CELSR1: variants seen among roughly 807,000 people sequenced by gnomAD.
The protein encoded by CELSR1 is cadherin EGF LAG seven-pass G-type receptor 1.
CELSR1 carries 110 observed loss-of-function variants against 249.1 expected under a neutral mutation model. The observed-to-expected ratio is 0.44, with a 90% CI of 0.38 to 0.52. The LOEUF (loss-of-function observed/expected upper bound fraction) is 0.52, where lower values mean the gene tolerates loss of function less well. Among genes scored for constraint, CELSR1 ranks in the 20% least tolerant of loss-of-function variants. The pLI, the probability that CELSR1 is intolerant of heterozygous loss-of-function variation, is 0.00. For missense variants in CELSR1, 4,109 were observed against 4,296.4 expected (o/e 0.96, Z 1.22); for synonymous variants, 2,113 against 1,900.0 (o/e 1.11, Z -2.92).
rs2147216432 is a variant in CELSR1 at position 46,380,978 on chromosome 22, T to C, written c.7089-23A>G. The C allele has an allele frequency of 6.2e-7, 1 of 1,607,692 alleles. No individual in the cohort carries two copies. The highest frequency in any genetic ancestry group is 8.5e-7 in the Non-Finnish European group (1 of 1,175,730). On this transcript the variant is annotated intron_variant, in intron 21 of 34. Coordinates refer to ENST00000674500, the MANE Select transcript of CELSR1 (RefSeq NM_001378328.1). The surrounding 1 kb of genome is among the most constrained non-coding windows in gnomAD (Gnocchi z 5.1). Reference sequence around the variant, plus strand: ...AACCTGAGGTCAAGAAGCCAGAGCATGGGGACAAACACGGTGAGGAAACAT... The same window carrying C: ...AACCTGAGGTCAAGAAGCCAGAGCACGGGGACAAACACGGTGAGGAAACAT...
chr22:46,439,658 G>C (rs180801143), intron 2 of CELSR1, among the ~76,000 whole-genome samples: 1 of 152,068 alleles, frequency 6.6e-6, no homozygotes, highest in Non-Finnish European at 1.5e-5. Flanking sequence ...TGGCCAGGGG[G>C]TTCCCAAAAA....
At chr22:46,533,371 C>T (rs2080811887) in intron 1 of CELSR1, among the ~76,000 whole-genome samples, 1 of 152,250 alleles carries the variant, frequency 6.6e-6, no homozygotes, top group Admixed American at 6.5e-5. Flanking sequence ...GCGCTGATCC[C>T]CGGTCTTGAA....
chr22:46,510,193 C>A (rs1296966929), intron 1 of CELSR1, among the ~76,000 whole-genome samples: 5 of 152,174 alleles, frequency 3.3e-5, no homozygotes, highest in Non-Finnish European at 7.3e-5. Flanking sequence ...CAGCTAAGGT[C>A]TTCTGGTGTG....
chr22:46,399,234 G>T lies in CELSR1; in HGVS notation c.5412+483C>A, dbSNP rs1296099616. On this transcript the variant is annotated intron_variant, in intron 10 of 34. Transcript: ENST00000674500. The surrounding 1 kb of genome is among the most constrained non-coding windows in gnomAD (Gnocchi z 5.0). ...AGTTTGGTTAAGTGTTCCGAACATTGTCTGGGATACCACCACCTGCCTGCC... is the reference window on the plus strand; with the variant it reads ...AGTTTGGTTAAGTGTTCCGAACATTTTCTGGGATACCACCACCTGCCTGCC... Among the ~76,000 whole-genome samples the T allele has an allele frequency of 6.6e-6, 1 of 152,174 alleles. No homozygotes were observed. Among genetic ancestry groups the T allele is most frequent in the African/African-American group, 2.4e-5 (1 of 41,438 alleles).
At chr22:46,370,979 C>T (rs577407656) in intron 25 of CELSR1, among the ~76,000 whole-genome samples, 7 of 152,346 alleles carry the variant, frequency 4.6e-5, no homozygotes, top group South Asian at 2.1e-4. Context: ...AGACCTGCTC[C>T]GCCTGGACAT....
rs571285077 is a variant in CELSR1 at position 46,411,338 on chromosome 22, G to A, written c.4769+264C>T. The stretch of plus-strand genomic sequence containing the variant: ...GCCAGTGATCCGTGGAGATGGGGCT[G>A]GAGACCGTCTCGGGGTCTGCAAGCT... On this transcript the variant is annotated intron_variant, in intron 6 of 34. Transcript: ENST00000674500. This position sits in a 1 kb window ranked among gnomAD's most constrained non-coding sequence, Gnocchi z 4.2. 1.3e-5 allele frequency among the ~76,000 whole-genome samples: 2 copies of A among 152,248 alleles called. No individual in the cohort carries two copies. Among genetic ancestry groups the A allele is most frequent in the African/African-American group, 4.8e-5 (2 of 41,466 alleles).
chr22:46,536,226 G>A lies in CELSR1; in HGVS notation c.945C>T (p.Thr315=), dbSNP rs1254729157. 15 of 1,612,426 alleles carry A rather than the reference G, an allele frequency of 9.3e-6. No individual in the cohort carries two copies. The highest frequency in any genetic ancestry group is 1.3e-5 in the Non-Finnish European group (15 of 1,179,992). ...VSTDSVLDRE[T]KETHVLRVKA... is the part of the protein sequence containing the mutation. ...TCACCCTGAGGACGTGCGTCTCCTT[G>A]GTCTCGCGGTCCAGTACGCTGTCCG... The change falls in exon 1 of 35, where the codon ACC becomes ACT. Residue 315 remains threonine, a synonymous_variant. Coordinates refer to ENST00000674500, the MANE Select transcript of CELSR1 (RefSeq NM_001378328.1).
rs750519293 is a variant in CELSR1, at chr22:46,369,746, C to A, written c.7818G>T (p.Ser2606=). 6.2e-7 allele frequency: 1 copy of A among 1,613,380 alleles called. No individual in the cohort carries two copies. Among genetic ancestry groups the A allele is most frequent in the East Asian group, 2.2e-5 (1 of 44,886 alleles). Reference sequence around the variant, plus strand: ...AGCTCCAAATCAGGGTGTCTTGAAGCGACAGCCAGCAGAAGTCGGGGTTCC... The same window carrying A: ...AGCTCCAAATCAGGGTGTCTTGAAGAGACAGCCAGCAGAAGTCGGGGTTCC... ...GYGNPDFCWL[S]LQDTLIWSFA... Residue 2606 remains serine, a synonymous_variant, in exon 26 of 35, where the codon TCG becomes TCT. Coordinates refer to ENST00000674500, the MANE Select transcript of CELSR1 (RefSeq NM_001378328.1).
chr22:46,420,537 G>A (rs2079457959), intron 5 of CELSR1, among the ~76,000 whole-genome samples: 1 of 152,166 alleles, frequency 6.6e-6, no homozygotes, highest in Non-Finnish European at 1.5e-5. Flanking sequence ...ACTTGCATGT[G>A]CACACACAGA....
In CELSR1 at chr22:46,512,298, C is replaced by T. The variant is rs569769581; in HGVS notation, c.3544+21329G>A. On this transcript the variant is annotated intron_variant, in intron 1 of 34. Coordinates refer to ENST00000674500, the MANE Select transcript of CELSR1 (RefSeq NM_001378328.1). This position sits in a 1 kb window ranked among gnomAD's most constrained non-coding sequence, Gnocchi z 5.2. ...ATCAAGGTCCAATACTGGCCAGGTG[C>T]GGTGGCACATGCCTGTAATCCCAGC... is the stretch of plus-strand genomic sequence containing the variant. Among the ~76,000 whole-genome samples the T allele has an allele frequency of 5.3e-5, 8 of 151,998 alleles. No individual in the cohort carries two copies. The South Asian group carries it at 8.3e-4, about 16-fold the overall frequency.
At position 46,436,362 on chromosome 22, in the gene CELSR1, C is replaced by A; in HGVS notation, c.4407-73G>T. The A allele has an allele frequency of 8.6e-7, 1 of 1,156,642 alleles. No homozygotes were observed. The highest frequency in any genetic ancestry group is 1.3e-6 in the Non-Finnish European group (1 of 780,282). The allele number at this position is 1,156,642 out of a possible 1,614,324, so 71.6% of individuals were successfully genotyped here. On this transcript the variant is annotated intron_variant, in intron 3 of 34. Coordinates refer to ENST00000674500, the MANE Select transcript of CELSR1 (RefSeq NM_001378328.1). The surrounding 1 kb of genome is among the most constrained non-coding windows in gnomAD (Gnocchi z 5.9). ...CAAAGGCTGCCTAGGAATGACAAGTCCAGCCGGAGGAGGGCAAGCACGTGG... is the reference window on the plus strand; with the variant it reads ...CAAAGGCTGCCTAGGAATGACAAGTACAGCCGGAGGAGGGCAAGCACGTGG...
chr22:46,365,714 T>C, intron 30 of CELSR1, 25 bp from the exon 31 acceptor site: 2 of 1,531,400 alleles, frequency 1.3e-6, no homozygotes, highest in Non-Finnish European at 1.8e-6. Flanking sequence ...GAGGGTGGGC[T>C]CAGTATCATC....
At chr22:46,452,712 G>C (rs2079900320) in intron 2 of CELSR1, among the ~76,000 whole-genome samples, 1 of 152,236 alleles carries the variant, frequency 6.6e-6, no homozygotes, top group Admixed American at 6.5e-5. Flanking sequence ...GAGGCCTCCA[G>C]GACCCAAGAT....
rs954198087 is a variant in CELSR1, at chr22:46,407,262, T to C, written c.5226+1734A>G. Among the ~76,000 whole-genome samples the C allele has an allele frequency of 2.0e-5, 3 of 152,168 alleles. No individual in the cohort carries two copies. The highest frequency in any genetic ancestry group is 6.5e-5 in the Admixed American group (1 of 15,276). On this transcript the variant is annotated intron_variant, in intron 9 of 34. Coordinates refer to ENST00000674500, the MANE Select transcript of CELSR1 (RefSeq NM_001378328.1). This position sits in a 1 kb window ranked among gnomAD's most constrained non-coding sequence, Gnocchi z 4.8. ...CCACATGCACACAGACATGCACAAATGTGCACGCATGGAGAGATGCACATA... is the reference window on the plus strand; with the variant it reads ...CCACATGCACACAGACATGCACAAACGTGCACGCATGGAGAGATGCACATA...
At position 46,429,743 on chromosome 22, in the gene CELSR1, T is replaced by C. The variant is rs773491872; in HGVS notation, c.4611+3650A>G. Among the ~76,000 whole-genome samples the C allele has an allele frequency of 6.6e-6, 1 of 152,152 alleles. No individual in the cohort carries two copies. Among genetic ancestry groups the C allele is most frequent in the African/African-American group, 2.4e-5 (1 of 41,446 alleles). On this transcript the variant is annotated intron_variant, in intron 5 of 34. Transcript: ENST00000674500. The surrounding 1 kb of genome is among the most constrained non-coding windows in gnomAD (Gnocchi z 4.1). ...GAGGGGTGTCAGGAGGGTCCCTGGT[T>C]AGCTGTGCCCCTCCTGGGTGGTCCG...
Position 46,366,401 on chromosome 22 carries a change from A to C in CELSR1, c.8285T>G (p.Leu2762Arg). 1 of 1,549,248 alleles carries C rather than the reference A, an allele frequency of 6.5e-7. No homozygotes were observed. Among genetic ancestry groups the C allele is most frequent in the Non-Finnish European group, 8.7e-7 (1 of 1,146,260 alleles). ...RTDLGESTAS[L>R]DSIVRDEGIQ... ...GCGGCCTGACCTGACGATGCTGTCC[A>C]GCGAGGCGGTGGACTCGCCCAAGTC... The change falls in exon 30 of 35, where the codon CTG (leucine) becomes CGG (arginine). Residue 2762 changes from leucine to arginine, a missense_variant. By Grantham distance (102) the Leu-to-Arg change is moderately radical. Coordinates refer to ENST00000674500, the MANE Select transcript of CELSR1 (RefSeq NM_001378328.1).
At chr22:46,502,433 A>T (rs60044269) in intron 1 of CELSR1, among the ~76,000 whole-genome samples, 40,997 of 75,070 alleles carry the variant, frequency 0.55, 9,039 homozygotes, top group East Asian at 0.86. Context: ...AGGGAAGGGG[A>T]GGGAAGGGTA....
chr22:46,404,001 A>G (rs1360278346), intron 9 of CELSR1, among the ~76,000 whole-genome samples: 1 of 151,282 alleles, frequency 6.6e-6, no homozygotes, highest in African/African-American at 2.4e-5. Context: ...GAAAAAAAGA[A>G]AAAAAAAACT....
intron 31 of CELSR1, 41 bp downstream of exon 31, chr22:46,365,545 A>T: frequency 6.4e-7 from 1 of 1,554,764 alleles, no homozygotes. Flanking sequence ...GGACGTGGGA[A>T]AAACAACCCA....
Sources: allele counts gnomAD v4.1 joint callset (sites outside exome capture counted in the v4.1 genomes callset), GRCh38; gene constraint gnomAD v4.1.1; non-coding constraint Gnocchi (gnomAD v3.1); transcripts MANE v1.5; gene names NCBI Gene and HGNC (gene_info 2026-07-23, HGNC 2026-07-21).